IFI27: variants seen among roughly 807,000 people sequenced by gnomAD.
IFI27 encodes interferon alpha-inducible protein 27, mitochondrial.
In IFI27, 3 loss-of-function variants were observed where a neutral mutation model predicts 8.9. The ratio of observed to expected loss-of-function variants is 0.34; its 90% CI spans 0.15 to 0.87. The LOEUF is 0.87. Ranked by LOEUF, IFI27 falls within the 40% of genes least tolerant of loss-of-function variation. The probability of loss-of-function intolerance (pLI) is 0.51; values close to 1 mark genes in which losing one functional copy is unlikely to be tolerated. For missense variants in IFI27, 152 were observed against 157.7 expected, an observed-to-expected ratio of 0.96 and a Z score of 0.19; for synonymous variants, 66 against 67.3, an observed-to-expected ratio of 0.98 and a Z score of 0.09.
Position 94,111,769 on chromosome 14 carries a change from C to T in IFI27, c.87C>T (p.Pro29=). 1 of 1,613,408 alleles carries T rather than the reference C, an allele frequency of 6.2e-7. No individual in the cohort carries two copies. The highest frequency in any genetic ancestry group is 8.5e-7 in the Non-Finnish European group (1 of 1,179,296). The change falls in exon 2 of 5, where the codon CCC becomes CCT. Residue 29 remains proline (P), a synonymous_variant. Coordinates refer to ENST00000621160, the Ensembl canonical transcript of IFI27. This position sits in a 1 kb window ranked among gnomAD's most constrained non-coding sequence, Gnocchi z 4.3. ...CCTCTGGCTCTGCCGTAGTTTTGCC[C>T]CTGGGTGAGTGTTCCTGGGAGGGGC...
rs1287023988 is a variant in IFI27 at position 94,111,235 on chromosome 14, C to T, written c.-58-390C>T. Among the ~76,000 whole-genome samples the T allele has an allele frequency of 1.3e-5, 2 of 152,196 alleles. No homozygotes were observed. Among genetic ancestry groups the T allele is most frequent in the African/African-American group, 4.8e-5 (2 of 41,450 alleles). ...CTTTTTCACGTTAGTGAGGAGATTA[C>T]ATAAGAGCAGGCACCTCGCCTGCTG... is the stretch of plus-strand genomic sequence containing the variant. On this transcript the variant is annotated intron_variant, in intron 1 of 4. Coordinates refer to ENST00000621160, the Ensembl canonical transcript of IFI27. The surrounding 1 kb of genome is among the most constrained non-coding windows in gnomAD (Gnocchi z 4.3).
At position 94,114,941 on chromosome 14, in the gene IFI27, G is replaced by A. The variant is rs1407072278; in HGVS notation, c.121+61G>A. On this transcript the variant is annotated intron_variant, in intron 3 of 4. Transcript: ENST00000621160. ...GCCCCTAGGGAGGTGGACTTGGGGAGCAGCTGGCCTTGTCCATGCCAATGT... is the reference window on the plus strand; with the variant it reads ...GCCCCTAGGGAGGTGGACTTGGGGAACAGCTGGCCTTGTCCATGCCAATGT... 4.0e-6 allele frequency: 6 copies of A among 1,502,412 alleles called. 1 individual carries two copies. In the Middle Eastern group the frequency reaches 6.8e-4, roughly 172 times the overall value. The allele number at this position is 1,502,412 out of a possible 1,614,324, so 93.1% of individuals were successfully genotyped here.
upstream of IFI27, among the ~76,000 whole-genome samples, chr14:94,107,889 G>A (rs1887034821): frequency 6.6e-6 from 1 of 151,980 alleles, no homozygotes. Context: ...TGTGCACAAC[G>A]TGCAGGTTTG....
In IFI27 at chr14:94,115,477, T is replaced by C. The variant is rs1023228925; in HGVS notation, c.122-304T>C. On this transcript the variant is annotated intron_variant, in intron 3 of 4. Transcript: ENST00000621160. The stretch of plus-strand genomic sequence containing the variant: ...AGAAACTTGCCAACCACTCCCCTGG[T>C]CCAGCATTTGGCCAAGGCAGACACT... 6 of 611,198 alleles carry C rather than the reference T, an allele frequency of 9.8e-6. No individual in the cohort carries two copies. In the East Asian group the frequency reaches 1.8e-4, roughly 19 times the overall value. 37.9% of individuals were successfully genotyped at this position (611,198 alleles called of 1,614,324 possible).
At chr14:94,109,683 G>A (rs1280032613), upstream of IFI27, among the ~76,000 whole-genome samples, 1 of 152,206 alleles carries the variant, frequency 6.6e-6, no homozygotes, top group Non-Finnish European at 1.5e-5. Context: ...TCTTGTGATA[G>A]TTCCTGTTAG....
chr14:94,114,611 G>A lies in IFI27; in HGVS notation c.92-240G>A, dbSNP rs910558401. ...CCCCGATCAACCAACCAATCAACTA[G>A]GTCAGGGCCACGTAAATTCATTCAG... On this transcript the variant is annotated intron_variant, in intron 2 of 4. Coordinates refer to ENST00000621160, the Ensembl canonical transcript of IFI27. 5.4e-6 allele frequency: 3 copies of A among 559,230 alleles called. No individual in the cohort carries two copies. In the African/African-American group the frequency reaches 5.6e-5, roughly 10 times the overall value. 34.6% of individuals were successfully genotyped at this position (559,230 alleles called of 1,614,324 possible).
chr14:94,111,278 C>G lies in IFI27; in HGVS notation c.-58-347C>G, dbSNP rs995299257. ...GCCTGCTGTATATGCCTTAAAAATG[C>G]GATTGGTTCTGATTTCTTAGTTTTG... is the stretch of plus-strand genomic sequence containing the variant. On this transcript the variant is annotated intron_variant, in intron 1 of 4. Transcript: ENST00000621160. The surrounding 1 kb of genome is among the most constrained non-coding windows in gnomAD (Gnocchi z 4.3). 1.3e-5 allele frequency among the ~76,000 whole-genome samples: 2 copies of G among 152,104 alleles called. No individual in the cohort carries two copies. Among genetic ancestry groups the G allele is most frequent in the Non-Finnish European group, 2.9e-5 (2 of 68,030 alleles).
In IFI27 at chr14:94,116,001, G is replaced by A; in HGVS notation, c.283+59G>A. On this transcript the variant is annotated intron_variant, in intron 4 of 4. Coordinates refer to ENST00000621160, the Ensembl canonical transcript of IFI27. The surrounding 1 kb of genome is among the most constrained non-coding windows in gnomAD (Gnocchi z 4.3). ...GATGAGGAGGGCAAGAGCCTCCAAG[G>A]ACCCAGTCCCAATCTCAACCCTATG... is the stretch of plus-strand genomic sequence containing the variant. 1 of 1,478,780 alleles carries A rather than the reference G, an allele frequency of 6.8e-7. No homozygotes were observed. Among genetic ancestry groups the A allele is most frequent in the Non-Finnish European group, 9.2e-7 (1 of 1,085,156 alleles). The allele number at this position is 1,478,780 out of a possible 1,614,324, so 91.6% of individuals were successfully genotyped here.
upstream of IFI27, among the ~76,000 whole-genome samples, chr14:94,108,764 A>AAG (rs1372371123): frequency 6.6e-6 from 1 of 151,874 alleles, no homozygotes; most frequent in Non-Finnish European, 1.5e-5. Flanking sequence ...AAAAAAAAAA[A>AAG]AGAGAGAGAG....
Position 94,115,951 on chromosome 14 carries a change from C to A in IFI27, c.283+9C>A. ...TACTCTGCAGTCACTGGGTAAGTAT[C>A]CTGGCGGGGCTTGCTGGGGAGGGCG... On this transcript the variant is annotated intron_variant, in intron 4 of 4. Coordinates refer to ENST00000621160, the Ensembl canonical transcript of IFI27. 2 of 1,565,612 alleles carry A rather than the reference C, an allele frequency of 1.3e-6. No individual in the cohort carries two copies. The highest frequency in any genetic ancestry group is 1.4e-5 in the African/African-American group (1 of 73,922).
intron 1 of IFI27, 175 bp downstream of exon 1, chr14:94,110,972 C>T (rs1887159234): frequency 6.5e-6 from 1 of 154,398 alleles, no homozygotes; most frequent in Admixed American, 6.5e-5. Context: ...TCCCTGGACT[C>T]TGGAATGTAA....
chr14:94,114,786 T>A, intron 2 of IFI27, 65 bp from the exon 3 acceptor site: 1 of 1,584,048 alleles, frequency 6.3e-7, no homozygotes. Flanking sequence ...AGATGGGCAA[T>A]CGGCTTAGAA....
upstream of IFI27, among the ~76,000 whole-genome samples, chr14:94,108,752 T>TA (rs11329498): frequency 1.1e-3 from 163 of 141,932 alleles, 1 homozygote; most frequent in East Asian, 0.015. Context: ...TGTGTCAACA[T>TA]AAAAAAAAAA....
chr14:94,114,962 A>G, intron 3 of IFI27, 82 bp downstream of exon 3: 2 of 1,303,108 alleles, frequency 1.5e-6, no homozygotes, highest in South Asian at 2.4e-5. Context: ...TGTCCATGCC[A>G]ATGTTTCCCT....
intron 2 of IFI27, chr14:94,112,863 G>A (rs1887245092): frequency 6.6e-6 from 1 of 152,276 alleles, no homozygotes; most frequent in Non-Finnish European, 1.5e-5. Context: ...ACTCAGTACA[G>A]AGAAGTGTGA....
In IFI27 at chr14:94,116,484, C is replaced by T. The variant is rs2227974; in HGVS notation, c.326C>T (p.Ser109Phe). Residue 109 changes from serine (S) to phenylalanine (F), a missense_variant, in exon 5 of 5, where the codon TCC (serine) becomes TTC (phenylalanine). Coordinates refer to ENST00000621160, the Ensembl canonical transcript of IFI27. This position sits in a 1 kb window ranked among gnomAD's most constrained non-coding sequence, Gnocchi z 4.3. ...GGATTGACCAAGTTCATCCTGGGCTCCATTGGGTCTGCCATTGCGGCTGTC... is the reference window on the plus strand; with the variant it reads ...GGATTGACCAAGTTCATCCTGGGCTTCATTGGGTCTGCCATTGCGGCTGTC... 0.011 allele frequency: 17,779 copies of T among 1,613,496 alleles called. 1,677 individuals carry two copies. The African/African-American group carries it at 0.21, about 19-fold the overall frequency.
rs565796901 is a variant in IFI27 at position 94,114,676 on chromosome 14, T to G, written c.92-175T>G. 2.2e-4 allele frequency: 142 copies of G among 646,708 alleles called. 3 individuals are homozygous for G. The South Asian group carries it at 2.5e-3, about 12-fold the overall frequency. 40.1% of individuals were successfully genotyped at this position (646,708 alleles called of 1,614,324 possible). A position where few individuals can be genotyped will look rare whatever the true frequency, so the allele number is the denominator to read the frequency against. On this transcript the variant is annotated intron_variant, in intron 2 of 4. Transcript: ENST00000621160. ...TCAAACTCCCCAGTGATCCTCACCC[T>G]CCTCCAGAATTTCCACTTCCCGAAA...
At chr14:94,115,006 G>A in intron 3 of IFI27, 126 bp downstream of exon 3, 3 of 847,146 alleles carry the variant, frequency 3.5e-6, no homozygotes, top group Non-Finnish European at 6.0e-6. Context: ...GTGGGGATGA[G>A]GGGCTAAGTA....
upstream of IFI27, among the ~76,000 whole-genome samples, chr14:94,110,304 C>T (rs1045190826): frequency 8.5e-5 from 13 of 152,346 alleles, no homozygotes; most frequent in African/African-American, 3.1e-4. Context: ...GTTTACAGTC[C>T]TGTCCCAGTG....
Sources: gnomAD v4.1 joint callset for allele counts (sites outside exome capture counted in the v4.1 genomes callset) on GRCh38, gnomAD v4.1.1 for gene constraint, Gnocchi (gnomAD v3.1) non-coding constraint, MANE v1.5 for transcripts, NCBI Gene and HGNC (gene_info 2026-07-23, HGNC 2026-07-21) for gene names.